The following BRD7 variants were observed in gnomAD, a reference collection of about 807,000 sequenced individuals.
The protein encoded by BRD7 is bromodomain containing 7, also known as bromodomain-containing protein 7.
BRD7 carries 15 observed loss-of-function variants against 82.1 expected under a neutral mutation model. The observed-to-expected ratio is 0.18, with a 90% CI of 0.12 to 0.28. BRD7 has a LOEUF of 0.28. Among genes scored for constraint, BRD7 ranks in the 10% least tolerant of loss-of-function variants. The pLI, the probability that BRD7 is intolerant of heterozygous loss-of-function variation, is 1.00. For synonymous variants in BRD7, 232 were observed against 266.9 expected (o/e 0.87, Z 1.27); for missense variants, 638 against 779.9 (o/e 0.82, Z 2.17).
chr16:50,362,056 A>G (rs1235332668), intron 2 of BRD7, among the ~76,000 whole-genome samples: 1 of 152,192 alleles, frequency 6.6e-6, no homozygotes, highest in East Asian at 1.9e-4. Flanking sequence ...CTACCATAAA[A>G]AGAGCCATTT....
intron 4 of BRD7, among the ~76,000 whole-genome samples, chr16:50,352,273 C>G (rs1470211936): frequency 6.6e-6 from 1 of 152,238 alleles, no homozygotes; most frequent in Non-Finnish European, 1.5e-5. Context: ...AATCATTACA[C>G]TTATGAACTA....
chr16:50,320,523 C>T, intron 14 of BRD7, 132 bp from the exon 15 acceptor site: 1 of 1,411,458 alleles, frequency 7.1e-7, no homozygotes, highest in Non-Finnish European at 9.9e-7. Flanking sequence ...ATGACATCAA[C>T]ACGCCATACC....
chr16:50,344,660 G>A (rs1850554191), intron 5 of BRD7, among the ~76,000 whole-genome samples: 1 of 151,946 alleles, frequency 6.6e-6, no homozygotes, highest in Admixed American at 6.5e-5. Flanking sequence ...TGGAAGAAAG[G>A]GTATCAATGA....
rs1380144178 is a variant in BRD7 at position 50,368,272 on chromosome 16, C to A, written c.76G>T (p.Val26Phe). 1.2e-6 allele frequency: 2 copies of A among 1,614,136 alleles called. No individual in the cohort carries two copies. ...ACTTCGTTCCCTCCTACTTTGAGGA[C>A]CAGCTTCAAGGGCTTCTCTACATAC... ...EEYVEKPLKL[V>F]LKVGGNEVTE... The change falls in exon 2 of 17, where the codon GTC (valine) becomes TTC (phenylalanine). Residue 26 changes from valine (V) to phenylalanine (F), a missense_variant. Physicochemically the swap from Val to Phe is conservative, Grantham distance 50. Transcript: ENST00000394688.
chr16:50,337,031 T>C, intron 6 of BRD7, among the ~76,000 whole-genome samples: 1 of 152,166 alleles, frequency 6.6e-6, no homozygotes, highest in East Asian at 1.9e-4. Context: ...GTACTACTAT[T>C]ATCCCCACTT....
chr16:50,340,125 A>T, intron 5 of BRD7, 39 bp from the exon 6 acceptor site: 1 of 1,176,178 alleles, frequency 8.5e-7, no homozygotes, highest in Non-Finnish European at 1.2e-6. Flanking sequence ...GCATTAATGC[A>T]AAACAAACTA....
chr16:50,320,750 G>A lies in BRD7; in HGVS notation c.1525C>T (p.Arg509Cys), dbSNP rs778698359. 1.9e-6 allele frequency: 3 copies of A among 1,613,964 alleles called. No homozygotes were observed. Among genetic ancestry groups the A allele is most frequent in the Non-Finnish European group, 2.5e-6 (3 of 1,179,828 alleles). The change falls in exon 14 of 17, where the codon CGT becomes TGT. Residue 509 changes from arginine to cysteine, a missense_variant. Coordinates refer to ENST00000394688, the MANE Select transcript of BRD7 (RefSeq NM_013263.5). ...MEITEVEPPG[R>C]LDSSTQDRLI... ...CTGTCTTGAGTACTGGAGTCCAAAC[G>A]CCCTGGTGGCTCTACTTCTGTAATC... is the stretch of plus-strand genomic sequence containing the variant.
chr16:50,355,195 G>A (rs1223527235), intron 2 of BRD7, among the ~76,000 whole-genome samples: 1 of 152,094 alleles, frequency 6.6e-6, no homozygotes. Flanking sequence ...TCTAATAAAA[G>A]ATACCCAAAA....
At position 50,318,948 on chromosome 16, in the gene BRD7, GACATAAGGAAGAAGCATTGGAAGGC is replaced by G; in HGVS notation, c.*238_*262del. The stretch of plus-strand genomic sequence containing the variant: ...TTCTTAGTGATGATCCTGTCTGTGG[GACATAAGGAAGAAGCATTGGAAGGC>G]ACTATTTTGAAAGAATGCTGCACAG... On this transcript the variant is annotated 3_prime_UTR_variant, in exon 17 of 17. Transcript: ENST00000394688. The G allele has an allele frequency of 2.6e-6, 1 of 386,296 alleles. No homozygotes were observed. The highest frequency in any genetic ancestry group is 4.7e-6 in the Non-Finnish European group (1 of 214,174). 23.9% of individuals were successfully genotyped at this position (386,296 alleles called of 1,614,324 possible).
intron 6 of BRD7, 55 bp downstream of exon 6, chr16:50,339,921 C>G: frequency 9.0e-7 from 1 of 1,111,778 alleles, no homozygotes. Flanking sequence ...CTATGGCCAA[C>G]AAACAGCGAC....
chr16:50,328,520 C>T, intron 9 of BRD7, 149 bp downstream of exon 9: 3 of 580,930 alleles, frequency 5.2e-6, no homozygotes, highest in Non-Finnish European at 8.7e-6. Context: ...CTAGCTGTTA[C>T]CATGAAATAC....
rs760408059 is a variant in BRD7, at chr16:50,368,126, T to G, written c.222A>C (p.Pro74=). 11 of 1,614,034 alleles carry G rather than the reference T, an allele frequency of 6.8e-6. No individual in the cohort carries two copies. In the South Asian group the frequency reaches 1.2e-4, roughly 18 times the overall value. The stretch of plus-strand genomic sequence containing the variant: ...TCCGTTTTCTCCCCTTTTCTTCCCC[T>G]GGAATCTGCTTCTCTCCTTTCTTTC... ...KKRKKGEKQI[P]GEEKGRKRRR... The change falls in exon 2 of 17, where the codon CCA becomes CCC. Residue 74 remains proline, a synonymous_variant. Coordinates refer to ENST00000394688, the MANE Select transcript of BRD7 (RefSeq NM_013263.5).
At position 50,316,521 on chromosome 16, in the gene BRD7, T is replaced by A. The variant is rs1483906776; in HGVS notation, c.*2690A>T. 1 of 152,382 alleles carries A rather than the reference T, an allele frequency of 6.6e-6. No homozygotes were observed. The highest frequency in any genetic ancestry group is 2.4e-5 in the African/African-American group (1 of 41,464). 9.4% of individuals were successfully genotyped at this position (152,382 alleles called of 1,614,324 possible). A position where few individuals can be genotyped will look rare whatever the true frequency, so the allele number is the denominator to read the frequency against. On this transcript the variant is annotated 3_prime_UTR_variant, in exon 17 of 17. Transcript: ENST00000394688. ...GACAACCTGTGAGTGCATCTCTTCT[T>A]TCCTTTAGTCTTCACAGCTAACTCT...
chr16:50,347,706 A>T (rs1360220196), intron 5 of BRD7, among the ~76,000 whole-genome samples: 1 of 152,212 alleles, frequency 6.6e-6, no homozygotes, highest in Non-Finnish European at 1.5e-5. Context: ...CTCACAAGGG[A>T]TGTGAAGGAC....
Position 50,363,121 on chromosome 16 carries a change from T to C in BRD7, c.258+4969A>G, listed in dbSNP as rs146300159. ...TAATCATAATGGGTGTGTATATGGTTATTTCCTCTACTGTGATTTTAGAAA... is the reference window on the plus strand; with the variant it reads ...TAATCATAATGGGTGTGTATATGGTCATTTCCTCTACTGTGATTTTAGAAA... On this transcript the variant is annotated intron_variant, in intron 2 of 16. Transcript: ENST00000394688. 1.4e-4 allele frequency among the ~76,000 whole-genome samples: 21 copies of C among 152,380 alleles called. No individual in the cohort carries two copies. The East Asian group carries it at 3.9e-3, about 28-fold the overall frequency.
At chr16:50,340,286 T>C (rs111735616) in intron 5 of BRD7, among the ~76,000 whole-genome samples, 200 bp from the exon 6 acceptor site, 35 of 152,352 alleles carry the variant, frequency 2.3e-4, no homozygotes, top group African/African-American at 5.0e-4. Flanking sequence ...TTAAATATGC[T>C]ATATTATTTC....
At chr16:50,336,209 T>C (rs1434508145) in intron 6 of BRD7, among the ~76,000 whole-genome samples, 2 of 152,212 alleles carry the variant, frequency 1.3e-5, no homozygotes, top group Non-Finnish European at 2.9e-5. Context: ...TGATTGAACA[T>C]TTAGATTTCC....
rs1305919693 is a variant in BRD7 at position 50,320,718 on chromosome 16, T to C, written c.1557A>G (p.Ile519Met). The C allele has an allele frequency of 1.2e-6, 2 of 1,614,212 alleles. No homozygotes were observed. Among genetic ancestry groups the C allele is most frequent in the Non-Finnish European group, 1.7e-6 (2 of 1,180,024 alleles). Reference protein sequence around the residue: ...RLDSSTQDRLIALKAVTNFGV... With the variant: ...RLDSSTQDRLMALKAVTNFGV... ...CAAAATTTGTTACTGCTTTCAGCGC[T>C]ATGAGCCTGTCTTGAGTACTGGAGT... Residue 519 changes from isoleucine to methionine, a missense_variant, in exon 14 of 17, where the codon ATA (isoleucine) becomes ATG (methionine). This residue lies in a region of BRD7 where 402 missense variants were observed against 500.8 expected (regional missense o/e 0.80). Transcript: ENST00000394688.
At chr16:50,352,701 G>GTTTTTTTTTTTTTT (rs34714781) in intron 4 of BRD7, among the ~76,000 whole-genome samples, 1 of 127,628 alleles carries the variant, frequency 7.8e-6, no homozygotes. Context: ...TGCCAGCTTT[G>GTTTTTTTTTTTTTT]TTTTTTTTTT....
Sources: allele counts gnomAD v4.1 joint callset (sites outside exome capture counted in the v4.1 genomes callset), GRCh38; gene constraint gnomAD v4.1.1; regional missense constraint gnomAD v4.1.1; transcripts MANE v1.5; gene names NCBI Gene and HGNC (gene_info 2026-07-23, HGNC 2026-07-21).